Variants in PCNT observed in about 807,000 individuals in gnomAD.
PCNT encodes the protein pericentrin, also known as kendrin.
A neutral mutation model predicts 380.4 loss-of-function variants in PCNT; 319 were observed. The observed-to-expected ratio is 0.84, with a 90% confidence interval of 0.77 to 0.92. The LOEUF (loss-of-function observed/expected upper bound fraction) is 0.92, where lower values mean the gene tolerates loss of function less well. PCNT is among the 40% of genes least tolerant of loss of function. The pLI, the probability that PCNT is intolerant of heterozygous loss-of-function variation, is 0.00. For synonymous variants in PCNT, 1,845 were observed against 1,735.2 expected, an observed-to-expected ratio of 1.06 and a Z score of -1.57; for missense variants, 4,400 against 4,255.3, an observed-to-expected ratio of 1.03 and a Z score of -0.95.
At chr21:46,400,477 A>C (rs984591481) in intron 25 of PCNT, among the ~76,000 whole-genome samples, 1 of 145,364 alleles carries the variant, frequency 6.9e-6, no homozygotes, top group African/African-American at 2.5e-5. Context: ...TCAGACACAG[A>C]TGAGAGGAGG....
chr21:46,439,873 T>G (rs2053561227), intron 41 of PCNT, among the ~76,000 whole-genome samples: 1 of 152,230 alleles, frequency 6.6e-6, no homozygotes, highest in Admixed American at 6.5e-5. Flanking sequence ...CATGTCGTAA[T>G]TACTCCATGT....
intron 33 of PCNT, 90 bp downstream of exon 33, chr21:46,426,061 ATTTC>A: frequency 2.4e-6 from 1 of 421,686 alleles, no homozygotes; most frequent in Non-Finnish European, 4.0e-6. Context: ...GGACACTAGG[ATTTC>A]TTTCTTTTTT....
At chr21:46,347,396 AG>A in intron 5 of PCNT, 60 bp from the exon 6 acceptor site, 1 of 1,539,230 alleles carries the variant, frequency 6.5e-7, no homozygotes, top group South Asian at 1.1e-5. Context: ...TTTCCTGGGC[AG>A]TTGGGTCACT....
intron 15 of PCNT, among the ~76,000 whole-genome samples, chr21:46,370,674 A>G (rs969909105): frequency 2.6e-5 from 4 of 152,044 alleles, no homozygotes; most frequent in African/African-American, 9.7e-5. Flanking sequence ...GGGAGGCCAC[A>G]GTGGGATGAT....
In PCNT at chr21:46,356,959, T is replaced by C. The variant is rs1259916467; in HGVS notation, c.1937-15T>C. The stretch of plus-strand genomic sequence containing the variant: ...GCACCGGCCTGACTGTCTTCCCTGC[T>C]CCTTTTCCACACAGAGCTTCCCTGG... On this transcript the variant is annotated splice_polypyrimidine_tract_variant and intron_variant, in intron 12 of 46. Coordinates refer to ENST00000359568, the MANE Select transcript of PCNT (RefSeq NM_006031.6). The C allele has an allele frequency of 1.2e-6, 2 of 1,612,412 alleles. No individual in the cohort carries two copies. Among genetic ancestry groups the C allele is most frequent in the African/African-American group, 1.3e-5 (1 of 74,890 alleles).
chr21:46,372,452 A>G (rs1437391252), intron 15 of PCNT, among the ~76,000 whole-genome samples: 1 of 152,228 alleles, frequency 6.6e-6, no homozygotes, highest in East Asian at 1.9e-4. Flanking sequence ...GTCCTGCAGG[A>G]TGAATGCCTG....
chr21:46,343,042 A>G (rs2083954134), intron 3 of PCNT, among the ~76,000 whole-genome samples: 1 of 152,162 alleles, frequency 6.6e-6, no homozygotes, highest in Non-Finnish European at 1.5e-5. Flanking sequence ...TACTGAATTC[A>G]TCGATCAGAT....
At position 46,384,415 on chromosome 21, in the gene PCNT, C is replaced by T. The variant is rs540895255; in HGVS notation, c.3313-1417C>T. Among the ~76,000 whole-genome samples, 451 of 145,612 alleles carry T rather than the reference C, an allele frequency of 3.1e-3. 48 individuals carry two copies. The highest frequency in any genetic ancestry group is 5.1e-3 in the Non-Finnish European group (336 of 66,038). ...GGTGTTGTGCATTCAGCAGCGGAAGCGCATTCACCATGTTGTATATTCAGT... is the reference window on the plus strand; with the variant it reads ...GGTGTTGTGCATTCAGCAGCGGAAGTGCATTCACCATGTTGTATATTCAGT... On this transcript the variant is annotated intron_variant, in intron 16 of 46. Coordinates refer to ENST00000359568, the MANE Select transcript of PCNT (RefSeq NM_006031.6).
intron 17 of PCNT, among the ~76,000 whole-genome samples, chr21:46,387,358 G>C (rs899340946): frequency 6.6e-6 from 1 of 152,132 alleles, no homozygotes; most frequent in Admixed American, 6.5e-5. Flanking sequence ...CCAGGTCAGT[G>C]GGCGAGCGAG....
rs879161346 is a variant in PCNT, at chr21:46,442,550, C to T, written c.9677C>T (p.Ala3226Val). The change falls in exon 44 of 47, where the codon GCA becomes GTA. Residue 3226 changes from alanine (A) to valine (V), a missense_variant. Coordinates refer to ENST00000359568, the MANE Select transcript of PCNT (RefSeq NM_006031.6). The stretch of plus-strand genomic sequence containing the variant: ...GAAGTAGATCGGAAAGGAGCTCTGG[C>T]ACAAGGCAAAGCCCCTCGCCCAGGT... ...WQEVDRKGALAQGKAPRPGPR... is the reference protein window; with the variant it reads ...WQEVDRKGALVQGKAPRPGPR... 1 of 1,611,562 alleles carries T rather than the reference C, an allele frequency of 6.2e-7. No individual in the cohort carries two copies. The highest frequency in any genetic ancestry group is 1.1e-5 in the South Asian group (1 of 91,040).
intron 3 of PCNT, among the ~76,000 whole-genome samples, chr21:46,340,505 G>A (rs1245148374): frequency 1.3e-5 from 2 of 152,134 alleles, no homozygotes; most frequent in Non-Finnish European, 2.9e-5. Flanking sequence ...TGTTAATTTT[G>A]TTCTTGCTGT....
chr21:46,429,929 C>A, intron 35 of PCNT, 81 bp from the exon 36 acceptor site: 1 of 1,128,020 alleles, frequency 8.9e-7, no homozygotes, highest in Non-Finnish European at 1.3e-6. Flanking sequence ...CACGCCCCCA[C>A]GAGTCTGTCT....
intron 43 of PCNT, among the ~76,000 whole-genome samples, chr21:46,441,392 C>T (rs748512940): frequency 2.2e-4 from 34 of 152,184 alleles, no homozygotes; most frequent in Admixed American, 1.3e-3. Context: ...GTTTTTCCCC[C>T]TAAACACTGT....
At chr21:46,397,917 T>TG in intron 22 of PCNT, 97 bp from the exon 23 acceptor site, 2 of 863,218 alleles carry the variant, frequency 2.3e-6, no homozygotes, top group South Asian at 2.8e-5. Context: ...GCTGGGCAGT[T>TG]GCACTTGTAC....
At chr21:46,439,288 T>C (rs539516772) in intron 41 of PCNT, among the ~76,000 whole-genome samples, 4 of 152,062 alleles carry the variant, frequency 2.6e-5, no homozygotes, top group Non-Finnish European at 5.9e-5. Flanking sequence ...CAGAAAGGTG[T>C]GTCAGTGGAA....
chr21:46,436,451 G>A (rs1459152950), intron 39 of PCNT, among the ~76,000 whole-genome samples: 9 of 139,374 alleles, frequency 6.5e-5, no homozygotes, highest in African/African-American at 1.3e-4. Context: ...CCACAGGGTC[G>A]GGTTTGGAGC....
In PCNT at chr21:46,382,552, G is replaced by A. The variant is rs1250878526; in HGVS notation, c.3312+712G>A. On this transcript the variant is annotated intron_variant, in intron 16 of 46. Transcript: ENST00000359568. ...ACAGTGTTGTGCATAGTTCAGTGGCGGAAGCACATTCACGGTGTTGTATAT... is the reference window on the plus strand; with the variant it reads ...ACAGTGTTGTGCATAGTTCAGTGGCAGAAGCACATTCACGGTGTTGTATAT... Among the ~76,000 whole-genome samples, 6 of 140,624 alleles carry A rather than the reference G, an allele frequency of 4.3e-5. 2 individuals are homozygous for A. Among genetic ancestry groups the A allele is most frequent in the African/African-American group, 1.1e-4 (4 of 38,016 alleles). The allele number at this position is 140,624 out of a possible 152,430, so 92.3% of individuals were successfully genotyped here.
chr21:46,327,795 G>A (rs1169710243), intron 2 of PCNT, among the ~76,000 whole-genome samples: 5 of 152,006 alleles, frequency 3.3e-5, no homozygotes, highest in Admixed American at 3.3e-4. Flanking sequence ...GTGAGATGAA[G>A]AGGGAAGGGG....
At chr21:46,392,971 T>C (rs2147332744) in intron 21 of PCNT, among the ~76,000 whole-genome samples, 1 of 152,390 alleles carries the variant, frequency 6.6e-6, no homozygotes, top group East Asian at 1.9e-4. Flanking sequence ...TAAAAGCCTG[T>C]CTGTGAGTAT....
Sources: allele counts gnomAD v4.1 joint callset (sites outside exome capture counted in the v4.1 genomes callset), GRCh38; gene constraint gnomAD v4.1.1; transcripts MANE v1.5; gene names NCBI Gene and HGNC (gene_info 2026-07-23, HGNC 2026-07-21).